Variants in ARHGAP6 observed in about 807,000 individuals in gnomAD.
ARHGAP6 encodes the protein Rho GTPase activating protein 6.
A neutral mutation model predicts 55.7 loss-of-function variants in ARHGAP6; 16 were observed. The ratio of observed to expected loss-of-function variants is 0.29; its 90% CI spans 0.19 to 0.44. The LOEUF is 0.44. Among genes scored for constraint, ARHGAP6 ranks in the 20% least tolerant of loss-of-function variants. ARHGAP6 has a pLI of 1.00. For missense variants in ARHGAP6, 698 were observed against 808.9 expected, an observed-to-expected ratio of 0.86 and a Z score of 1.66; for synonymous variants, 382 against 360.9, an observed-to-expected ratio of 1.06 and a Z score of -0.66.
At chrX:11,450,550 G>A (rs1022750113) in intron 1 of ARHGAP6, among the ~76,000 whole-genome samples, 1 of 111,442 alleles carries the variant, frequency 9.0e-6, no homozygotes, top group African/African-American at 3.3e-5. Flanking sequence ...TGTAATGCAC[G>A]TTCTTCCAAG....
At chrX:11,544,283 T>G (rs1418920710) in intron 1 of ARHGAP6, among the ~76,000 whole-genome samples, 1 of 112,609 alleles carries the variant, frequency 8.9e-6, no homozygotes, top group African/African-American at 3.2e-5. Flanking sequence ...AGATGCCTAG[T>G]GGCCCAATGT....
intron 1 of ARHGAP6, among the ~76,000 whole-genome samples, chrX:11,409,460 T>C (rs1324041013): frequency 9.0e-6 from 1 of 111,234 alleles, no homozygotes; most frequent in Non-Finnish European, 1.9e-5. Context: ...GGCTGGAAAA[T>C]GGTTGAAGTG....
chrX:11,353,548 TAGTG>T (rs1354616088), intron 1 of ARHGAP6, among the ~76,000 whole-genome samples: 2 of 80,035 alleles, frequency 2.5e-5, no homozygotes, highest in African/African-American at 1.0e-4. Flanking sequence ...GTATTGCTTA[TAGTG>T]TGTGTGTGTG....
At chrX:11,421,264 T>C (rs1164644595) in intron 1 of ARHGAP6, among the ~76,000 whole-genome samples, 1 of 112,775 alleles carries the variant, frequency 8.9e-6, no homozygotes, top group African/African-American at 3.2e-5. Context: ...TTTTGATATC[T>C]ACTGAGATAC....
At chrX:11,204,760 G>A (rs1040947024) in intron 2 of ARHGAP6, among the ~76,000 whole-genome samples, 4 of 111,652 alleles carry the variant, frequency 3.6e-5, no homozygotes, top group Non-Finnish European at 5.6e-5. Context: ...CCTCAAAGTC[G>A]TTCTGTAAAC....
At chrX:11,566,244 T>C (rs950054171) in intron 1 of ARHGAP6, among the ~76,000 whole-genome samples, 1 of 112,273 alleles carries the variant, frequency 8.9e-6, no homozygotes, top group African/African-American at 3.2e-5. Flanking sequence ...GGGAAAATGC[T>C]GCTTTCATGT....
At chrX:11,375,712 G>A (rs895118109) in intron 1 of ARHGAP6, among the ~76,000 whole-genome samples, 12 of 111,705 alleles carry the variant, frequency 1.1e-4, no homozygotes, top group Admixed American at 3.8e-4. Flanking sequence ...GATATAAACT[G>A]CACAGTCAGG....
chrX:11,517,954 G>T (rs1433682444), intron 1 of ARHGAP6, among the ~76,000 whole-genome samples: 1 of 109,731 alleles, frequency 9.1e-6, no homozygotes, highest in Non-Finnish European at 1.9e-5. Flanking sequence ...CTGCACATCC[G>T]CACATGTACC....
At chrX:11,352,628 G>C (rs2048877231) in intron 1 of ARHGAP6, among the ~76,000 whole-genome samples, 1 of 111,710 alleles carries the variant, frequency 9.0e-6, no homozygotes, top group Non-Finnish European at 1.9e-5. Context: ...TCAGAAGAGA[G>C]ATTTCGGCAC....
At chrX:11,176,347 A>ATATATATATATC (rs2046224588) in intron 8 of ARHGAP6, among the ~76,000 whole-genome samples, 1 of 57,987 alleles carries the variant, frequency 1.7e-5, no homozygotes, top group Non-Finnish European at 3.2e-5. Context: ...ATATATATAT[A>ATATATATATATC]TATCTCCCCT....
At chrX:11,348,875 C>T (rs968599215) in intron 1 of ARHGAP6, among the ~76,000 whole-genome samples, 11 of 110,968 alleles carry the variant, frequency 9.9e-5, no homozygotes, top group Non-Finnish European at 5.7e-5. Flanking sequence ...TCTCAAACTC[C>T]TGGGCTCAAG....
intron 1 of ARHGAP6, among the ~76,000 whole-genome samples, chrX:11,489,328 C>T (rs1351228318): frequency 8.9e-6 from 1 of 111,797 alleles, no homozygotes; most frequent in Non-Finnish European, 1.9e-5. Flanking sequence ...AAGCACTAAC[C>T]AAGGTGAACA....
intron 1 of ARHGAP6, among the ~76,000 whole-genome samples, chrX:11,638,613 G>A (rs895070187): frequency 2.7e-5 from 3 of 110,768 alleles, no homozygotes; most frequent in Admixed American, 9.7e-5. Context: ...GAGAAAACAG[G>A]GCCAAATTAT....
intron 1 of ARHGAP6, among the ~76,000 whole-genome samples, chrX:11,493,477 G>A (rs1183393992): frequency 8.9e-6 from 1 of 111,903 alleles, no homozygotes; most frequent in Non-Finnish European, 1.9e-5. Flanking sequence ...ACAATTCATG[G>A]TGGCCAAAAT....
intron 1 of ARHGAP6, among the ~76,000 whole-genome samples, chrX:11,517,223 CAACA>C (rs1484219655): frequency 9.0e-6 from 1 of 111,613 alleles, no homozygotes; most frequent in Non-Finnish European, 1.9e-5. Context: ...AGGCTCAAGA[CAACA>C]AACAGACACA....
intron 9 of ARHGAP6, among the ~76,000 whole-genome samples, chrX:11,163,736 A>G (rs1196118403): frequency 8.9e-6 from 1 of 112,109 alleles, no homozygotes; most frequent in African/African-American, 3.2e-5. Flanking sequence ...GGGAGGGTCA[A>G]GATGCATTAA....
At chrX:11,183,592 G>C (rs999746254) in intron 5 of ARHGAP6, among the ~76,000 whole-genome samples, 5 of 111,848 alleles carry the variant, frequency 4.5e-5, no homozygotes, top group Non-Finnish European at 9.4e-5. Flanking sequence ...TCATATGGTC[G>C]ATGTGCCTTT....
intron 1 of ARHGAP6, among the ~76,000 whole-genome samples, chrX:11,270,045 C>T (rs899360715): frequency 3.6e-5 from 4 of 111,877 alleles, no homozygotes; most frequent in Non-Finnish European, 3.8e-5. Flanking sequence ...TCCATGAATA[C>T]GCTATCCTCT....
intron 1 of ARHGAP6, among the ~76,000 whole-genome samples, chrX:11,640,856 T>C (rs1327018412): frequency 4.5e-5 from 5 of 111,760 alleles, no homozygotes; most frequent in Non-Finnish European, 9.4e-5. Context: ...TAAATATATA[T>C]GGAATTGGCA....
Sources: gnomAD v4.1 joint callset for allele counts (sites outside exome capture counted in the v4.1 genomes callset) on GRCh38, gnomAD v4.1.1 for gene constraint, MANE v1.5 for transcripts, NCBI Gene and HGNC (gene_info 2026-07-23, HGNC 2026-07-21) for gene names.